The following DHX9 variants were observed in gnomAD, a reference collection of about 807,000 sequenced individuals.
The protein encoded by DHX9 is ATP-dependent RNA helicase A.
A neutral mutation model predicts 148.7 loss-of-function variants in DHX9; 27 were observed. The ratio of observed to expected loss-of-function variants is 0.18; its 90% CI spans 0.13 to 0.25. The LOEUF (loss-of-function observed/expected upper bound fraction) is 0.25. DHX9 is among the 10% of genes least tolerant of loss of function. The probability of loss-of-function intolerance (pLI) is 1.00; values close to 1 mark genes in which losing one functional copy is unlikely to be tolerated. For synonymous variants in DHX9, 529 were observed against 516.6 expected (o/e 1.02, Z -0.33); for missense variants, 796 against 1,559.6 (o/e 0.51, Z 8.25).
In DHX9 at chr1:182,884,602, C is replaced by T. The variant is rs984047425; in HGVS notation, c.3261-11C>T. ...TCCCTCTCTTATTTTTAATGTATTT[C>T]GCCACTTTAGGATTAAACTGCAAAT... On this transcript the variant is annotated splice_polypyrimidine_tract_variant and intron_variant, in intron 26 of 27. Transcript: ENST00000367549. The T allele has an allele frequency of 1.9e-5, 31 of 1,612,246 alleles. No individual in the cohort carries two copies. Among genetic ancestry groups the T allele is most frequent in the Middle Eastern group, 1.7e-4 (1 of 6,026 alleles).
rs1470862871 is a variant in DHX9 at position 182,884,749 on chromosome 1, A to C, written c.3397A>C (p.Asn1133His). The C allele has an allele frequency of 6.2e-7, 1 of 1,614,052 alleles. No homozygotes were observed. Among genetic ancestry groups the C allele is most frequent in the Non-Finnish European group, 8.5e-7 (1 of 1,180,048 alleles). Residue 1133 changes from asparagine (N) to histidine (H), a missense_variant, in exon 27 of 28, where the codon AAC becomes CAC. By Grantham distance (68) the Asn-to-His change is moderately conservative. Transcript: ENST00000367549. ...QLDPVNERML[N>H]MIRQISRPSA... is the part of the protein sequence containing the mutation. The stretch of plus-strand genomic sequence containing the variant: ...GGACCCCGTAAATGAACGTATGCTG[A>C]ACATGATCCGTCAGATCTCTAGACC...
intron 12 of DHX9, 100 bp downstream of exon 12, chr1:182,860,284 T>A (rs1053312515): frequency 3.0e-6 from 3 of 997,418 alleles, no homozygotes; most frequent in Non-Finnish European, 4.2e-6. Flanking sequence ...TGAGAGAGCA[T>A]TGTGCCCTTG....
intron 7 of DHX9, among the ~76,000 whole-genome samples, chr1:182,856,782 G>T (rs527751163): frequency 1.0e-3 from 155 of 152,334 alleles, no homozygotes; most frequent in Non-Finnish European, 1.6e-3. Context: ...AACAGACCAT[G>T]TTAGTGTAAT....
intron 21 of DHX9, among the ~76,000 whole-genome samples, 181 bp from the exon 22 acceptor site, chr1:182,880,316 C>T (rs1160687562): frequency 1.3e-5 from 2 of 152,002 alleles, no homozygotes; most frequent in Non-Finnish European, 1.5e-5. Context: ...GTTGGGTGCT[C>T]CAGATTTTGA....
chr1:182,885,565 G>A (rs1649282367), intron 27 of DHX9, among the ~76,000 whole-genome samples: 1 of 152,206 alleles, frequency 6.6e-6, no homozygotes, highest in South Asian at 2.1e-4. Flanking sequence ...ATATACTAAG[G>A]TACTAAAATT....
chr1:182,842,087 C>T (rs1381121262), intron 1 of DHX9, among the ~76,000 whole-genome samples: 1 of 152,124 alleles, frequency 6.6e-6, no homozygotes, highest in Non-Finnish European at 1.5e-5. Flanking sequence ...TTTAGGCCTC[C>T]ACGGTGGGTG....
intron 12 of DHX9, among the ~76,000 whole-genome samples, chr1:182,864,469 A>G (rs1278820954): frequency 3.3e-5 from 5 of 152,206 alleles, no homozygotes; most frequent in East Asian, 1.9e-4. Context: ...ATTCCTAGAC[A>G]TAGAATTGTT....
In DHX9 at chr1:182,854,310, G is replaced by A. The variant is rs529479597; in HGVS notation, c.626+132G>A. ...TAGAATTGAATTGTTAAAAGATAACGTTAATTTGCACAAGAATAATTATTG... is the reference window on the plus strand; with the variant it reads ...TAGAATTGAATTGTTAAAAGATAACATTAATTTGCACAAGAATAATTATTG... On this transcript the variant is annotated intron_variant, in intron 6 of 27. Transcript: ENST00000367549. 1.2e-3 allele frequency: 948 copies of A among 823,098 alleles called. 1 individual carries two copies. Among genetic ancestry groups the A allele is most frequent in the Non-Finnish European group, 1.4e-3 (783 of 563,872 alleles). The allele number at this position is 823,098 out of a possible 1,614,324, so 51.0% of individuals were successfully genotyped here.
chr1:182,869,385 T>G (rs962146943), intron 14 of DHX9, among the ~76,000 whole-genome samples: 1 of 152,180 alleles, frequency 6.6e-6, no homozygotes, highest in African/African-American at 2.4e-5. Flanking sequence ...ATAGGTCTTG[T>G]CCTATCTGGT....
intron 3 of DHX9, among the ~76,000 whole-genome samples, chr1:182,847,567 A>G (rs752712317): frequency 1.1e-4 from 17 of 152,218 alleles, no homozygotes; most frequent in Non-Finnish European, 7.3e-5. Flanking sequence ...AGGGTTAGCC[A>G]GAGATTTCAA....
intron 1 of DHX9, among the ~76,000 whole-genome samples, chr1:182,840,240 G>A (rs1339598753): frequency 6.6e-6 from 1 of 151,864 alleles, no homozygotes; most frequent in Non-Finnish European, 1.5e-5. Flanking sequence ...AAGCAGAAAT[G>A]CGTAGTGGTG....
intron 11 of DHX9, 76 bp from the exon 12 acceptor site, chr1:182,859,917 G>GT: frequency 2.7e-6 from 4 of 1,464,916 alleles, no homozygotes; most frequent in Non-Finnish European, 3.7e-6. Context: ...AGAGATGGAA[G>GT]TTTTTTAAAG....
intron 1 of DHX9, among the ~76,000 whole-genome samples, chr1:182,841,386 C>T (rs1395020471): frequency 6.6e-6 from 1 of 152,136 alleles, no homozygotes; most frequent in Non-Finnish European, 1.5e-5. Flanking sequence ...TTGTAAGAGA[C>T]TAGGGAGACA....
intron 6 of DHX9, 136 bp downstream of exon 6, chr1:182,854,314 A>T (rs1296038275): frequency 2.5e-6 from 2 of 811,440 alleles, no homozygotes; most frequent in African/African-American, 3.4e-5. Flanking sequence ...GATAACGTTA[A>T]TTTGCACAAG....
intron 19 of DHX9, chr1:182,877,589 C>T (rs1648870368): frequency 6.4e-6 from 1 of 156,298 alleles, no homozygotes; most frequent in Non-Finnish European, 1.4e-5. Flanking sequence ...TCTGAGGTTA[C>T]TTGGGGGTTC....
chr1:182,844,129 G>C (rs929407173), intron 3 of DHX9, among the ~76,000 whole-genome samples: 6 of 152,130 alleles, frequency 3.9e-5, no homozygotes, highest in Non-Finnish European at 5.9e-5. Flanking sequence ...TATGTTTTTA[G>C]TAGAGATAGG....
At chr1:182,871,357 A>G (rs1445775104) in intron 14 of DHX9, among the ~76,000 whole-genome samples, 2 of 152,232 alleles carry the variant, frequency 1.3e-5, no homozygotes, top group Non-Finnish European at 2.9e-5. Context: ...TGTTTATTTA[A>G]TAAAAAGTGA....
intron 4 of DHX9, among the ~76,000 whole-genome samples, 186 bp downstream of exon 4, chr1:182,852,530 A>C (rs1358049769): frequency 6.6e-6 from 1 of 152,218 alleles, no homozygotes; most frequent in Non-Finnish European, 1.5e-5. Flanking sequence ...CATGTGGTAC[A>C]GCATAGTTCT....
At chr1:182,851,083 C>A (rs1200343837) in intron 3 of DHX9, among the ~76,000 whole-genome samples, 1 of 152,126 alleles carries the variant, frequency 6.6e-6, no homozygotes, top group Non-Finnish European at 1.5e-5. Context: ...TTTCCTGTGC[C>A]TTGGTTATTA....
Sources: allele counts gnomAD v4.1 joint callset (sites outside exome capture counted in the v4.1 genomes callset), GRCh38; gene constraint gnomAD v4.1.1; transcripts MANE v1.5; gene names NCBI Gene and HGNC (gene_info 2026-07-23, HGNC 2026-07-21).